SENP6: variants seen among roughly 807,000 people sequenced by gnomAD.
SENP6 encodes the protein SUMO specific peptidase 6, also known as sentrin-specific protease 6.
In SENP6, 41 loss-of-function variants were observed where a neutral mutation model predicts 134.5. The observed-to-expected ratio is 0.30, with a 90% CI of 0.24 to 0.40. The LOEUF (loss-of-function observed/expected upper bound fraction) is 0.40. SENP6 is among the 10% of genes least tolerant of loss of function. The pLI, the probability that SENP6 is intolerant of heterozygous loss-of-function variation, is 1.00. For synonymous variants in SENP6, 395 were observed against 429.8 expected (o/e 0.92, Z 1.00); for missense variants, 1,248 against 1,312.5 (o/e 0.95, Z 0.76).
In SENP6 at chr6:75,675,992, A is replaced by C. The variant is rs1773058951; in HGVS notation, c.1559A>C (p.Gln520Pro). 6.2e-7 allele frequency: 1 copy of C among 1,612,060 alleles called. No homozygotes were observed. The highest frequency in any genetic ancestry group is 8.5e-7 in the Non-Finnish European group (1 of 1,179,168). ...GCAGTTTATCAAAAGCTGAGCATCC[A>C]ACTGCAAATGAATAAGGAGGATAAA... The part of the protein sequence containing the change: ...IPAVYQKLSI[Q>P]LQMNKEDKVW... Residue 520 changes from glutamine (Q) to proline (P), a missense_variant, in exon 13 of 24, where the codon CAA becomes CCA. Physicochemically the swap from Gln to Pro is moderately conservative, Grantham distance 76 (BLOSUM62 -1). This residue lies in a region of SENP6 where 733 missense variants were observed against 725.4 expected (regional missense o/e 1.01). Transcript: ENST00000447266.
At position 75,703,624 on chromosome 6, in the gene SENP6, T is replaced by C. The variant is rs536734627; in HGVS notation, c.2716+552T>C. Among the ~76,000 whole-genome samples, 6 of 152,232 alleles carry C rather than the reference T, an allele frequency of 3.9e-5. No homozygotes were observed. In the South Asian group the frequency reaches 1.2e-3, roughly 32 times the overall value. On this transcript the variant is annotated intron_variant, in intron 19 of 23. Coordinates refer to ENST00000447266, the MANE Select transcript of SENP6 (RefSeq NM_015571.4). ...AAAAATACAAAAACTTAGCCAGATA[T>C]GGTGGTGCCCATCGGTGGTCCCAGC...
intron 11 of SENP6, among the ~76,000 whole-genome samples, chr6:75,673,046 C>T (rs560799774): frequency 6.6e-6 from 1 of 152,218 alleles, no homozygotes; most frequent in South Asian, 2.1e-4. Flanking sequence ...CCAGGATGGT[C>T]TCGATCTCTT....
chr6:75,675,871 G>A lies in SENP6; in HGVS notation c.1438G>A (p.Asp480Asn), dbSNP rs375932789. ...IKIQLDEPDH[D>N]PVEIILNTSD... ...TTGTTTTCCTCCAGAACCAGACCAT[G>A]ATCCTGTAGAGATTATATTAAATAC... Residue 480 changes from aspartate (D) to asparagine (N), a missense_variant, in exon 13 of 24, where the codon GAT becomes AAT. Physicochemically the swap from Asp to Asn is conservative, Grantham distance 23. Transcript: ENST00000447266. The A allele has an allele frequency of 2.0e-5, 32 of 1,584,552 alleles. 1 individual carries two copies. The South Asian group carries it at 3.5e-4, about 17-fold the overall frequency.
chr6:75,615,298 G>GC (rs1337220273), intron 1 of SENP6, among the ~76,000 whole-genome samples: 1 of 152,118 alleles, frequency 6.6e-6, no homozygotes, highest in Non-Finnish European at 1.5e-5. Flanking sequence ...TCCTGTGTCA[G>GC]CCTCCCGAGT....
chr6:75,671,707 TC>T (rs1254397223), intron 11 of SENP6, among the ~76,000 whole-genome samples: 2 of 152,050 alleles, frequency 1.3e-5, no homozygotes, highest in African/African-American at 4.8e-5. Context: ...GGATGACAGA[TC>T]AAGACTCTGT....
intron 16 of SENP6, among the ~76,000 whole-genome samples, chr6:75,681,086 A>G (rs940294683): frequency 5.9e-5 from 9 of 152,214 alleles, no homozygotes; most frequent in African/African-American, 2.2e-4. Context: ...GAATTATTTG[A>G]CAAAGATTTT....
intron 1 of SENP6, among the ~76,000 whole-genome samples, chr6:75,617,539 A>G (rs1767956540): frequency 6.6e-6 from 1 of 151,722 alleles, no homozygotes; most frequent in Non-Finnish European, 1.5e-5. Context: ...CCACCTCCCA[A>G]AGTGCTGGGA....
intron 1 of SENP6, among the ~76,000 whole-genome samples, chr6:75,610,376 C>T (rs1034905648): frequency 6.6e-6 from 1 of 152,082 alleles, no homozygotes; most frequent in African/African-American, 2.4e-5. Context: ...AGTTGTATAC[C>T]TAAGTCATAT....
At chr6:75,638,609 TATATATATATA>T (rs1769750157) in intron 5 of SENP6, among the ~76,000 whole-genome samples, 1 of 60,258 alleles carries the variant, frequency 1.7e-5, no homozygotes, top group Non-Finnish European at 3.4e-5. Context: ...TATATATATA[TATATATATATA>T]TATTTTTTTT....
chr6:75,693,759 C>T (rs931905665), intron 16 of SENP6, among the ~76,000 whole-genome samples: 14 of 152,162 alleles, frequency 9.2e-5, no homozygotes, highest in African/African-American at 3.1e-4. Flanking sequence ...AGCATTTGCT[C>T]TTTCTGTGTA....
At position 75,718,072 on chromosome 6, in the gene SENP6, T is replaced by G. The variant is rs1186067533; in HGVS notation, c.*2478T>G. On this transcript the variant is annotated 3_prime_UTR_variant, in exon 24 of 24. Coordinates refer to ENST00000447266, the MANE Select transcript of SENP6 (RefSeq NM_015571.4). ...TTAGTCAATTAAATGTAGGAGGTTT[T>G]ATTTGAAAACATAAAATGATTCTCT... is the stretch of plus-strand genomic sequence containing the variant. 6.6e-6 allele frequency: 1 copy of G among 150,898 alleles called. No individual in the cohort carries two copies. Among genetic ancestry groups the G allele is most frequent in the African/African-American group, 2.4e-5 (1 of 41,404 alleles). The allele number at this position is 150,898 out of a possible 1,614,324, so 9.3% of individuals were successfully genotyped here.
intron 1 of SENP6, chr6:75,610,955 G>A (rs961372814): frequency 6.6e-6 from 1 of 152,206 alleles, no homozygotes; most frequent in Admixed American, 6.5e-5. Flanking sequence ...GCATCCAATA[G>A]ATGGTAAATT....
rs1364378143 is a variant in SENP6 at position 75,624,173 on chromosome 6, G to A, written c.207+213G>A. ...TTCCACCTCCCATGTTACACAATTG[G>A]TAATATACTGTGCATGGTTTTTCTG... On this transcript the variant is annotated intron_variant, in intron 3 of 23. Transcript: ENST00000447266. Among the ~76,000 whole-genome samples, 3 of 152,076 alleles carry A rather than the reference G, an allele frequency of 2.0e-5. No homozygotes were observed. The East Asian group carries it at 5.8e-4, about 29-fold the overall frequency.
intron 11 of SENP6, among the ~76,000 whole-genome samples, chr6:75,675,209 A>G (rs1772994711): frequency 6.6e-6 from 1 of 152,058 alleles, no homozygotes; most frequent in Non-Finnish European, 1.5e-5. Flanking sequence ...AAAAAAGAGG[A>G]AAGAAAGACT....
intron 11 of SENP6, among the ~76,000 whole-genome samples, chr6:75,672,113 A>G (rs1037808915): frequency 2.0e-5 from 3 of 152,330 alleles, no homozygotes; most frequent in Middle Eastern, 3.4e-3. Context: ...TACAGCCCTC[A>G]TACTGCAGAC....
chr6:75,622,693 A>G (rs1768368323), intron 2 of SENP6: 1 of 843,334 alleles, frequency 1.2e-6, no homozygotes, highest in South Asian at 1.5e-5. Context: ...AACTATAAAT[A>G]TGTTAAAGAA....
In SENP6 at chr6:75,695,784, AATT is replaced by A; in HGVS notation, c.2076-16_2076-14del. 6.5e-7 allele frequency: 1 copy of A among 1,535,020 alleles called. No individual in the cohort carries two copies. The highest frequency in any genetic ancestry group is 8.8e-7 in the Non-Finnish European group (1 of 1,133,810). On this transcript the variant is annotated splice_polypyrimidine_tract_variant and intron_variant, in intron 16 of 23. Transcript: ENST00000447266. ...TGAACTGTTACATTAATTATATTTG[AATT>A]ATTTTCTATCAAATAGATACTTGGT...
Position 75,677,089 on chromosome 6 carries a change from A to T in SENP6, c.1681A>T (p.Met561Leu). ...FQNGLDPPAN[M>L]VFESIINEIG... ...AAATGGCCTTGATCCTCCGGCAAAT[A>T]TGGTATTTGAAAGTATCATTAATGA... The change falls in exon 14 of 24, where the codon ATG becomes TTG. Residue 561 changes from methionine (M) to leucine (L), a missense_variant. Met to Leu is a conservative substitution (Grantham distance 15). Coordinates refer to ENST00000447266, the MANE Select transcript of SENP6 (RefSeq NM_015571.4). 1 of 1,605,400 alleles carries T rather than the reference A, an allele frequency of 6.2e-7. No homozygotes were observed. Among genetic ancestry groups the T allele is most frequent in the Non-Finnish European group, 8.5e-7 (1 of 1,173,254 alleles).
In SENP6 at chr6:75,622,042, G is replaced by A. The variant is rs543551617; in HGVS notation, c.146+417G>A. Among the ~76,000 whole-genome samples the A allele has an allele frequency of 5.9e-5, 9 of 152,212 alleles. No individual in the cohort carries two copies. The South Asian group carries it at 1.9e-3, about 32-fold the overall frequency. ...AATACTACAGTATCTTTCTTCCCCA[G>A]TTGTGACCACCACCCCTACCACATC... On this transcript the variant is annotated intron_variant, in intron 2 of 23. Transcript: ENST00000447266.
Sources: allele counts gnomAD v4.1 joint callset (sites outside exome capture counted in the v4.1 genomes callset), GRCh38; gene constraint gnomAD v4.1.1; regional missense constraint gnomAD v4.1.1; transcripts MANE v1.5; gene names NCBI Gene and HGNC (gene_info 2026-07-23, HGNC 2026-07-21).